Variants in NRXN3 observed in about 807,000 individuals in gnomAD.
NRXN3 encodes the protein neurexin III.
In NRXN3, 32 loss-of-function variants were observed where a neutral mutation model predicts 137.6. The observed-to-expected ratio is 0.23, with a 90% CI of 0.18 to 0.31. The LOEUF is 0.31. Among genes scored for constraint, NRXN3 ranks in the 10% least tolerant of loss-of-function variants. NRXN3 has a pLI of 1.00. For synonymous variants in NRXN3, 798 were observed against 784.5 expected (o/e 1.02, Z -0.29); for missense variants, 1,574 against 2,062.5 (o/e 0.76, Z 4.59).
At chr14:79,339,007 A>G (rs1387030438) in intron 15 of NRXN3, among the ~76,000 whole-genome samples, 1 of 152,186 alleles carries the variant, frequency 6.6e-6, no homozygotes, top group Non-Finnish European at 1.5e-5. Flanking sequence ...CCATTTGGAA[A>G]AATAAATCCT....
At chr14:78,610,027 AGAGG>A (rs1378545044) in intron 4 of NRXN3, among the ~76,000 whole-genome samples, 1 of 151,138 alleles carries the variant, frequency 6.6e-6, no homozygotes, top group Admixed American at 6.6e-5. Flanking sequence ...GAGGGAGGAG[AGAGG>A]GAGGGAGAGA....
intron 16 of NRXN3, among the ~76,000 whole-genome samples, chr14:79,602,958 C>T (rs2097944850): frequency 6.6e-6 from 1 of 152,156 alleles, no homozygotes; most frequent in Admixed American, 6.5e-5. Flanking sequence ...GCTCACCTCC[C>T]CTGTGTGGAG....
intron 15 of NRXN3, among the ~76,000 whole-genome samples, chr14:79,069,404 G>A (rs2099684717): frequency 6.6e-6 from 1 of 151,888 alleles, no homozygotes; most frequent in African/African-American, 2.4e-5. Flanking sequence ...GAACAAAGTG[G>A]ACAAAAAACC....
chr14:79,581,810 T>C (rs539442415), intron 16 of NRXN3, among the ~76,000 whole-genome samples: 1 of 152,322 alleles, frequency 6.6e-6, no homozygotes, highest in Non-Finnish European at 1.5e-5. Flanking sequence ...TCTTTTAGAA[T>C]TGTTATCTAA....
chr14:78,665,644 C>A (rs1263535264), intron 6 of NRXN3, among the ~76,000 whole-genome samples: 1 of 152,094 alleles, frequency 6.6e-6, no homozygotes, highest in Non-Finnish European at 1.5e-5. Context: ...ATAATTGAGA[C>A]CTGAGATGAA....
At chr14:79,280,605 G>A (rs2081121882) in intron 15 of NRXN3, 3 of 1,429,540 alleles carry the variant, frequency 2.1e-6, no homozygotes, top group African/African-American at 2.8e-5. Context: ...AGCCTTGCAG[G>A]TAGTGTCAAA....
chr14:79,702,723 G>A (rs537968254), intron 19 of NRXN3, among the ~76,000 whole-genome samples: 1 of 152,082 alleles, frequency 6.6e-6, no homozygotes, highest in East Asian at 1.9e-4. Flanking sequence ...TTACTACCAG[G>A]AATGCCCCAA....
intron 4 of NRXN3, among the ~76,000 whole-genome samples, chr14:78,555,009 T>A (rs926627835): frequency 3.3e-5 from 5 of 152,092 alleles, no homozygotes; most frequent in African/African-American, 7.2e-5. Context: ...GGGAGCTTAT[T>A]CACTCCTCTG....
chr14:78,422,043 T>G (rs894109614), intron 4 of NRXN3, among the ~76,000 whole-genome samples: 4 of 152,166 alleles, frequency 2.6e-5, no homozygotes, highest in Admixed American at 2.6e-4. Context: ...TCTGAGAGTC[T>G]GGGGTAAACA....
chr14:79,392,942 G>T (rs935820857), intron 15 of NRXN3, among the ~76,000 whole-genome samples: 2 of 136,058 alleles, frequency 1.5e-5, no homozygotes, highest in African/African-American at 5.5e-5. Context: ...TGCACTCTAG[G>T]CTGGGTGACA....
intron 2 of NRXN3, among the ~76,000 whole-genome samples, chr14:78,267,794 A>C (rs2072022985): frequency 6.6e-6 from 1 of 152,218 alleles, no homozygotes; most frequent in Non-Finnish European, 1.5e-5. Context: ...GCTAAGTATG[A>C]TAATAGAAGA....
intron 4 of NRXN3, among the ~76,000 whole-genome samples, chr14:78,479,861 A>G (rs1182236505): frequency 6.6e-6 from 1 of 152,088 alleles, no homozygotes; most frequent in Non-Finnish European, 1.5e-5. Context: ...TTGGGGAAAT[A>G]AGGCTGGGCA....
chr14:78,971,345 GA>G (rs1264011977), intron 14 of NRXN3, among the ~76,000 whole-genome samples: 2 of 152,008 alleles, frequency 1.3e-5, no homozygotes, highest in African/African-American at 4.8e-5. Flanking sequence ...AGTAGGGGAT[GA>G]GGTTTTATAA....
At chr14:78,719,477 C>T (rs769669560) in intron 8 of NRXN3, among the ~76,000 whole-genome samples, 1 of 152,128 alleles carries the variant, frequency 6.6e-6, no homozygotes, top group Non-Finnish European at 1.5e-5. Context: ...TACCAATCTT[C>T]GATGAGGCTG....
chr14:78,615,698 G>A (rs984559527), intron 4 of NRXN3, among the ~76,000 whole-genome samples: 1 of 152,126 alleles, frequency 6.6e-6, no homozygotes, highest in Non-Finnish European at 1.5e-5. Context: ...ACTTTGGGAG[G>A]CCAAAGTGGG....
At chr14:78,711,959 T>G (rs948238226) in intron 7 of NRXN3, among the ~76,000 whole-genome samples, 1 of 152,218 alleles carries the variant, frequency 6.6e-6, no homozygotes, top group Non-Finnish European at 1.5e-5. Flanking sequence ...ATGTGGTGCC[T>G]CCTTCCCTGA....
At chr14:79,172,632 G>A (rs983992288) in intron 15 of NRXN3, among the ~76,000 whole-genome samples, 19 of 152,096 alleles carry the variant, frequency 1.2e-4, no homozygotes, top group African/African-American at 4.6e-4. Context: ...CAAAGACTAT[G>A]GTTTTGAGTG....
intron 4 of NRXN3, among the ~76,000 whole-genome samples, chr14:78,569,336 G>T (rs2096867490): frequency 6.6e-6 from 1 of 151,352 alleles, no homozygotes; most frequent in African/African-American, 2.4e-5. Flanking sequence ...CGTGGTCTCG[G>T]CTCACTGCAA....
At chr14:79,653,043 G>GAA (rs2098484686) in intron 16 of NRXN3, among the ~76,000 whole-genome samples, 2 of 150,296 alleles carry the variant, frequency 1.3e-5, no homozygotes, top group East Asian at 4.1e-4. Flanking sequence ...CTATCTCCAG[G>GAA]ACACACACAC....
Sources: gnomAD v4.1 joint callset for allele counts (sites outside exome capture counted in the v4.1 genomes callset) on GRCh38, gnomAD v4.1.1 for gene constraint, MANE v1.5 for transcripts, NCBI Gene and HGNC (gene_info 2026-07-23, HGNC 2026-07-21) for gene names.